Variants in RGS7 observed in about 807,000 individuals in gnomAD.
RGS7 encodes regulator of G-protein signaling 7.
Under a neutral mutation model 81.1 loss-of-function variants are expected in RGS7, and 27 were observed. The ratio of observed to expected loss-of-function variants is 0.33; its 90% CI spans 0.25 to 0.46. The LOEUF (loss-of-function observed/expected upper bound fraction) is 0.46. Ranked by LOEUF, RGS7 falls within the 20% of genes least tolerant of loss-of-function variation. RGS7 has a pLI of 1.00. For synonymous variants in RGS7, 208 were observed against 207.7 expected (o/e 1.00, Z -0.01); for missense variants, 396 against 607.4 (o/e 0.65, Z 3.66).
intron 2 of RGS7, among the ~76,000 whole-genome samples, chr1:241,322,970 T>C (rs2081295279): frequency 6.6e-6 from 1 of 152,190 alleles, no homozygotes; most frequent in Non-Finnish European, 1.5e-5. Context: ...ACAAATCAAA[T>C]TGGTAGGGCC....
At chr1:240,899,888 C>T (rs1037865127) in intron 6 of RGS7, among the ~76,000 whole-genome samples, 1 of 152,180 alleles carries the variant, frequency 6.6e-6, no homozygotes, top group East Asian at 1.9e-4. Context: ...TGTTTTCCAA[C>T]TTGGTTCCAT....
intron 2 of RGS7, among the ~76,000 whole-genome samples, chr1:241,263,809 G>C (rs183256221): frequency 6.6e-6 from 1 of 152,232 alleles, no homozygotes; most frequent in Admixed American, 6.5e-5. Context: ...TTACCAAATT[G>C]TTGCATATCC....
chr1:241,235,490 T>C (rs2075879178), intron 2 of RGS7, among the ~76,000 whole-genome samples: 1 of 152,242 alleles, frequency 6.6e-6, no homozygotes, highest in African/African-American at 2.4e-5. Flanking sequence ...CATACTGATT[T>C]AGCTGACGGA....
At chr1:241,328,203 A>AT (rs1205150577) in intron 2 of RGS7, among the ~76,000 whole-genome samples, 1 of 152,172 alleles carries the variant, frequency 6.6e-6, no homozygotes, top group Non-Finnish European at 1.5e-5. Context: ...TCCTGTTCAC[A>AT]TTTTTTTGAT....
chr1:240,889,699 A>C (rs1228519134), intron 6 of RGS7, among the ~76,000 whole-genome samples: 1 of 152,226 alleles, frequency 6.6e-6, no homozygotes, highest in Non-Finnish European at 1.5e-5. Context: ...TCGGTGAAAT[A>C]CATTAGTTTT....
At chr1:241,040,720 C>T (rs1373620041) in intron 3 of RGS7, among the ~76,000 whole-genome samples, 1 of 152,116 alleles carries the variant, frequency 6.6e-6, no homozygotes, top group Non-Finnish European at 1.5e-5. Context: ...GAACTCCCAA[C>T]CTCAGGTGAT....
Position 241,030,373 on chromosome 1 carries a change from T to TATATATATACAC in RGS7, c.176-47245_176-47244insGTGTATATATAT, listed in dbSNP as rs374223475. 5.3e-4 allele frequency among the ~76,000 whole-genome samples: 71 copies of TATATATATACAC among 135,234 alleles called. 1 individual carries two copies. Among genetic ancestry groups the TATATATATACAC allele is most frequent in the African/African-American group, 1.8e-3 (64 of 35,332 alleles). The allele number at this position is 135,234 out of a possible 152,430, so 88.7% of individuals were successfully genotyped here. On this transcript the variant is annotated intron_variant, in intron 3 of 18. Transcript: ENST00000440928. Reference sequence around the variant, plus strand: ...CCAGAACTTATAGCATATATATATATACATACACACATACATACACACACA... The same window carrying TATATATATACAC: ...CCAGAACTTATAGCATATATATATATATATATATACACACATACACACATACATACACACACA...
intron 2 of RGS7, among the ~76,000 whole-genome samples, chr1:241,286,920 G>A (rs932451418): frequency 2.0e-5 from 3 of 152,194 alleles, no homozygotes; most frequent in South Asian, 2.1e-4. Context: ...CAAAGACTCT[G>A]TCTGAACATA....
intron 2 of RGS7, among the ~76,000 whole-genome samples, chr1:241,215,404 C>T (rs1167706061): frequency 6.6e-6 from 1 of 152,228 alleles, no homozygotes; most frequent in Non-Finnish European, 1.5e-5. Context: ...GTTGAAATCT[C>T]TGTTAGGCTC....
intron 3 of RGS7, among the ~76,000 whole-genome samples, chr1:240,989,764 TTCA>T (rs1686192697): frequency 6.6e-6 from 1 of 152,140 alleles, no homozygotes; most frequent in African/African-American, 2.4e-5. Flanking sequence ...TTTAAGTTAC[TTCA>T]TCAGGGCGCT....
intron 6 of RGS7, among the ~76,000 whole-genome samples, chr1:240,882,414 G>A (rs1666562401): frequency 6.6e-6 from 1 of 152,212 alleles, no homozygotes; most frequent in South Asian, 2.1e-4. Context: ...TCTATCATAA[G>A]GCGGTTACAT....
chr1:240,780,434 T>G, intron 18 of RGS7, among the ~76,000 whole-genome samples: 1 of 116,838 alleles, frequency 8.6e-6, no homozygotes, highest in Non-Finnish European at 1.7e-5. Context: ...AGTGAGACTC[T>G]GTCTCAAAAA....
chr1:240,894,432 T>G (rs188971232), intron 6 of RGS7, among the ~76,000 whole-genome samples: 9 of 152,188 alleles, frequency 5.9e-5, no homozygotes, highest in African/African-American at 9.6e-5. Flanking sequence ...TGTTCTCTTC[T>G]GGGTCTAACA....
intron 2 of RGS7, among the ~76,000 whole-genome samples, chr1:241,169,501 C>A (rs1364224252): frequency 1.3e-5 from 2 of 151,788 alleles, no homozygotes; most frequent in Admixed American, 1.3e-4. Flanking sequence ...CACCACCACA[C>A]CCGGCTAATT....
At chr1:240,975,710 T>C (rs1487753406) in intron 4 of RGS7, among the ~76,000 whole-genome samples, 1 of 152,238 alleles carries the variant, frequency 6.6e-6, no homozygotes, top group Non-Finnish European at 1.5e-5. Context: ...ATATTATCCA[T>C]AATTAATATG....
chr1:240,895,437 C>G lies in RGS7; in HGVS notation c.386-25318G>C, dbSNP rs564043761. Among the ~76,000 whole-genome samples the G allele has an allele frequency of 4.6e-5, 7 of 152,056 alleles. No homozygotes were observed. In the South Asian group the frequency reaches 1.0e-3, roughly 23 times the overall value. On this transcript the variant is annotated intron_variant, in intron 6 of 18. Coordinates refer to ENST00000440928, the MANE Select transcript of RGS7 (RefSeq NM_001364886.1). ...ATATCTCCTAATGCTATCCCTCCCC[C>G]CTCCTCCACCCCATGACAGGCCCCG... is the stretch of plus-strand genomic sequence containing the variant.
chr1:241,018,855 T>C (rs759987200), intron 3 of RGS7, among the ~76,000 whole-genome samples: 4 of 152,158 alleles, frequency 2.6e-5, no homozygotes, highest in African/African-American at 9.7e-5. Context: ...GGATTTTTCC[T>C]TTTTCTTTAG....
chr1:241,009,754 C>G (rs1470597532), intron 3 of RGS7, among the ~76,000 whole-genome samples: 1 of 152,092 alleles, frequency 6.6e-6, no homozygotes, highest in Non-Finnish European at 1.5e-5. Flanking sequence ...AGGCATACTG[C>G]AAATTGTTGG....
intron 5 of RGS7, among the ~76,000 whole-genome samples, chr1:240,932,655 C>G (rs1036519361): frequency 1.3e-5 from 2 of 150,182 alleles, no homozygotes; most frequent in East Asian, 2.0e-4. Flanking sequence ...ACTACAGGTG[C>G]CCGCCACCAC....
Sources: allele counts gnomAD v4.1 joint callset (sites outside exome capture counted in the v4.1 genomes callset), GRCh38; gene constraint gnomAD v4.1.1; transcripts MANE v1.5; gene names NCBI Gene and HGNC (gene_info 2026-07-23, HGNC 2026-07-21).